BCAR3: variants seen among roughly 807,000 people sequenced by gnomAD.
BCAR3 encodes breast cancer anti-estrogen resistance protein 3.
In BCAR3, 37 loss-of-function variants were observed where a neutral mutation model predicts 80.1. The ratio of observed to expected loss-of-function variants is 0.46; its 90% CI spans 0.36 to 0.61. The LOEUF (loss-of-function observed/expected upper bound fraction) is 0.61, where lower values mean the gene tolerates loss of function less well. Ranked by LOEUF, BCAR3 falls within the 20% of genes least tolerant of loss-of-function variation. The pLI, the probability that BCAR3 is intolerant of heterozygous loss-of-function variation, is 0.00. For missense variants in BCAR3, 978 were observed against 1,068.2 expected (o/e 0.92, Z 1.18); for synonymous variants, 389 against 418.9 (o/e 0.93, Z 0.87).
intron 9 of BCAR3, among the ~76,000 whole-genome samples, chr1:93,571,202 TAA>T (rs57983230): frequency 1.1e-4 from 16 of 140,450 alleles, no homozygotes; most frequent in Admixed American, 2.9e-4. Context: ...AGACTTCGTT[TAA>T]AAAAAAAAAA....
chr1:93,833,940 A>G (rs1654673187), intron 2 of BCAR3, among the ~76,000 whole-genome samples: 1 of 152,202 alleles, frequency 6.6e-6, no homozygotes, highest in Non-Finnish European at 1.5e-5. Flanking sequence ...AATGTCCATG[A>G]AATCTTCAAA....
At chr1:93,833,536 G>A (rs1654651819) in intron 2 of BCAR3, among the ~76,000 whole-genome samples, 2 of 152,170 alleles carry the variant, frequency 1.3e-5, no homozygotes, top group African/African-American at 4.8e-5. Flanking sequence ...GCATAAGACA[G>A]ACACTCCCAG....
intron 2 of BCAR3, among the ~76,000 whole-genome samples, chr1:93,781,454 A>G (rs529303032): frequency 1.3e-5 from 2 of 152,332 alleles, no homozygotes; most frequent in East Asian, 3.9e-4. Flanking sequence ...TAATATTAAC[A>G]TCAATTAATA....
intron 3 of BCAR3, among the ~76,000 whole-genome samples, chr1:93,698,300 A>G (rs1451072836): frequency 6.6e-6 from 1 of 152,212 alleles, no homozygotes; most frequent in Admixed American, 6.5e-5. Context: ...CCTATTTCTA[A>G]TCTGCAAAAA....
chr1:93,576,094 C>A lies in BCAR3; in HGVS notation c.1722G>T (p.Arg574Ser), dbSNP rs778839573. The A allele has an allele frequency of 8.1e-6, 13 of 1,614,054 alleles. No homozygotes were observed. In the African/African-American group the frequency reaches 1.3e-4, roughly 17 times the overall value. Residue 574 changes from arginine (R) to serine (S), a missense_variant, in exon 8 of 12, where the codon AGG becomes AGT. Physicochemically the swap from Arg to Ser is moderately radical, Grantham distance 110. Transcript: ENST00000260502. ...GGCCTGAGCTCACCCCCATGTTCCT[C>A]CTCATCTCTTCAGAGACTCCAAGTA... Reference protein sequence around the residue: ...ARILGVSEEMRRNMGVSSGLE... With the variant: ...ARILGVSEEMSRNMGVSSGLE...
intron 2 of BCAR3, among the ~76,000 whole-genome samples, chr1:93,755,891 C>T (rs1251888929): frequency 6.6e-6 from 1 of 151,972 alleles, no homozygotes; most frequent in Non-Finnish European, 1.5e-5. Context: ...TTGTTGTGTC[C>T]CATCTCGAGG....
At chr1:93,674,375 C>A (rs1412343294) in intron 2 of BCAR3, among the ~76,000 whole-genome samples, 4 of 152,124 alleles carry the variant, frequency 2.6e-5, no homozygotes, top group Non-Finnish European at 5.9e-5. Flanking sequence ...CCTGCCTTAG[C>A]CTCCTGAGTA....
At chr1:93,763,464 A>G (rs1463277990) in intron 2 of BCAR3, among the ~76,000 whole-genome samples, 1 of 152,242 alleles carries the variant, frequency 6.6e-6, no homozygotes, top group Non-Finnish European at 1.5e-5. Flanking sequence ...TGAAGTAGGC[A>G]TTATTTCTCC....
chr1:93,779,862 G>A (rs972864003), intron 2 of BCAR3, among the ~76,000 whole-genome samples: 24 of 152,128 alleles, frequency 1.6e-4, no homozygotes, highest in Admixed American at 5.2e-4. Flanking sequence ...CCCAATCCCA[G>A]GATGTGAACA....
At chr1:93,817,797 C>CG (rs889394714) in intron 2 of BCAR3, among the ~76,000 whole-genome samples, 3 of 152,214 alleles carry the variant, frequency 2.0e-5, no homozygotes, top group Non-Finnish European at 4.4e-5. Context: ...TTTACCCCCC[C>CG]ACATCCCTGC....
At chr1:93,709,938 A>T (rs2101978965) in intron 2 of BCAR3, among the ~76,000 whole-genome samples, 1 of 152,346 alleles carries the variant, frequency 6.6e-6, no homozygotes, top group South Asian at 2.1e-4. Flanking sequence ...TCTTTCTATA[A>T]TCAATTCATG....
At chr1:93,564,636 G>C (rs1307278002) in intron 11 of BCAR3, among the ~76,000 whole-genome samples, 1 of 152,130 alleles carries the variant, frequency 6.6e-6, no homozygotes, top group Non-Finnish European at 1.5e-5. Context: ...TCTTACAGAA[G>C]GTTATACTTT....
At chr1:93,787,151 G>T (rs1424665910) in intron 2 of BCAR3, among the ~76,000 whole-genome samples, 1 of 152,184 alleles carries the variant, frequency 6.6e-6, no homozygotes. Flanking sequence ...AGCAGTCCGT[G>T]TCTTGTCAGG....
intron 7 of BCAR3, among the ~76,000 whole-genome samples, chr1:93,578,299 G>C (rs950419132): frequency 3.3e-5 from 5 of 152,130 alleles, no homozygotes; most frequent in Non-Finnish European, 7.4e-5. Flanking sequence ...CACTGGTTCT[G>C]TTCCCCTTGG....
chr1:93,660,492 A>G (rs1307240080), intron 2 of BCAR3, among the ~76,000 whole-genome samples: 1 of 152,234 alleles, frequency 6.6e-6, no homozygotes, highest in Non-Finnish European at 1.5e-5. Context: ...TTTACCAGGA[A>G]AAAGAGAAAA....
In BCAR3 at chr1:93,589,023, C is replaced by A; in HGVS notation, c.883G>T (p.Gly295Cys). The change falls in exon 5 of 12, where the codon GGC becomes TGC. Residue 295 changes from glycine to cysteine, a missense_variant. By Grantham distance (159) the Gly-to-Cys change is radical. Transcript: ENST00000260502. Reference sequence around the variant, plus strand: ...AAATTCTGCTCTCGGGCCTGGACGCCACCCATGGTGAGGCTCAGCCTCTTG... The same window carrying A: ...AAATTCTGCTCTCGGGCCTGGACGCAACCCATGGTGAGGCTCAGCCTCTTG... ...VAKRLSLTMGGVQAREQNLPR... is the reference protein window; with the variant it reads ...VAKRLSLTMGCVQAREQNLPR... The A allele has an allele frequency of 6.2e-7, 1 of 1,602,036 alleles. No homozygotes were observed. Among genetic ancestry groups the A allele is most frequent in the Non-Finnish European group, 8.5e-7 (1 of 1,171,560 alleles).
chr1:93,585,008 C>G, intron 5 of BCAR3: 1 of 985,462 alleles, frequency 1.0e-6, no homozygotes, highest in South Asian at 4.7e-5. Context: ...ATCAAAAAAC[C>G]CCCAAACTCC....
At chr1:93,838,914 G>A (rs1654862616) in intron 2 of BCAR3, among the ~76,000 whole-genome samples, 1 of 152,166 alleles carries the variant, frequency 6.6e-6, no homozygotes, top group African/African-American at 2.4e-5. Flanking sequence ...GCATCCCAGT[G>A]GACCTCCATG....
intron 1 of BCAR3, among the ~76,000 whole-genome samples, chr1:93,676,818 G>A (rs1240393218): frequency 1.3e-5 from 2 of 152,188 alleles, no homozygotes; most frequent in East Asian, 3.8e-4. Flanking sequence ...ACTTCTTCAT[G>A]TGCATAGGGC....
Sources: gnomAD v4.1 joint callset for allele counts (sites outside exome capture counted in the v4.1 genomes callset) on GRCh38, gnomAD v4.1.1 for gene constraint, MANE v1.5 for transcripts, NCBI Gene and HGNC (gene_info 2026-07-23, HGNC 2026-07-21) for gene names.